CAPG: variants seen among roughly 807,000 people sequenced by gnomAD.
CAPG encodes macrophage-capping protein.
A neutral mutation model predicts 44.6 loss-of-function variants in CAPG; 32 were observed. The ratio of observed to expected loss-of-function variants is 0.72; its 90% CI spans 0.54 to 0.96. The LOEUF is 0.96. Among genes scored for constraint, CAPG ranks in the 50% least tolerant of loss-of-function variants. The pLI is 0.00. For missense variants in CAPG, 412 were observed against 438.3 expected, an observed-to-expected ratio of 0.94 and a Z score of 0.54; for synonymous variants, 175 against 179.6, an observed-to-expected ratio of 0.97 and a Z score of 0.20.
At position 85,401,800 on chromosome 2, in the gene CAPG, G is replaced by A. The variant is rs749794313; in HGVS notation, c.181C>T (p.Leu61=). The A allele has an allele frequency of 1.9e-6, 3 of 1,614,064 alleles. No individual in the cohort carries two copies. The highest frequency in any genetic ancestry group is 2.2e-5 in the South Asian group (2 of 91,080). Residue 61 remains leucine (L), a synonymous_variant, in exon 3 of 10, where the codon CTG becomes TTG. Transcript: ENST00000263867. The stretch of plus-strand genomic sequence containing the variant: ...ATCCCCTTACCTATCCACAGGTGCA[G>A]ATGGGAAACCTCTTCTGGGCCATTG... ...LHNGPEEVSH[L]HLWIGQQSSR...
chr2:85,408,450 C>T (rs181761640), intron 1 of CAPG, among the ~76,000 whole-genome samples: 2 of 151,974 alleles, frequency 1.3e-5, no homozygotes, highest in South Asian at 2.1e-4. Flanking sequence ...CATTAAGTGG[C>T]CTCCGCCTTC....
chr2:85,401,876 C>T lies in CAPG; in HGVS notation c.105G>A (p.Ala35=), dbSNP rs756599713. The change falls in exon 3 of 10, where the codon GCG becomes GCA. Residue 35 remains alanine (A), a synonymous_variant. Transcript: ENST00000263867. ...AGAAGAAGACGCCCTGGTTCTCTTG[C>T]GCCACAGGCACCGGCTTCAGCTTCT... ...RVEKLKPVPV[A]QENQGVFFSG... 1.1e-5 allele frequency: 17 copies of T among 1,613,932 alleles called. No homozygotes were observed. Among genetic ancestry groups the T allele is most frequent in the Middle Eastern group, 1.6e-4 (1 of 6,084 alleles).
chr2:85,404,560 C>T (rs1390418815), intron 1 of CAPG, among the ~76,000 whole-genome samples: 3 of 152,014 alleles, frequency 2.0e-5, no homozygotes, highest in Admixed American at 6.6e-5. Context: ...ACCAGCCTGG[C>T]CAACATGGTG....
In CAPG at chr2:85,401,841, G is replaced by A. The variant is rs776599208; in HGVS notation, c.140C>T (p.Ser47Phe). 4 of 1,614,144 alleles carry A rather than the reference G, an allele frequency of 2.5e-6. No homozygotes were observed. In the South Asian group the frequency reaches 3.3e-5, roughly 13 times the overall value. The change falls in exon 3 of 10, where the codon TCC becomes TTC. Residue 47 changes from serine (S) to phenylalanine (F), a missense_variant. Coordinates refer to ENST00000263867, the MANE Select transcript of CAPG (RefSeq NM_001747.4). ...ENQGVFFSGD[S>F]YLVLHNGPEE... is the part of the protein sequence containing the mutation. The stretch of plus-strand genomic sequence containing the variant: ...TGGGCCATTGTGCAGCACTAGGTAG[G>A]AGTCCCCCGAGAAGAAGACGCCCTG...
intron 8 of CAPG, among the ~76,000 whole-genome samples, chr2:85,396,363 T>G (rs199852736): frequency 2.5e-4 from 21 of 85,128 alleles, no homozygotes; most frequent in African/African-American, 1.2e-3. Context: ...TTTTGGGGGG[T>G]TTTTTTTTTG....
At chr2:85,406,157 C>T (rs548479730) in intron 1 of CAPG, among the ~76,000 whole-genome samples, 1 of 151,456 alleles carries the variant, frequency 6.6e-6, no homozygotes, top group East Asian at 2.0e-4. Flanking sequence ...CAAAAATTAT[C>T]CGGAAATCAC....
At chr2:85,412,879 G>A (rs144900912), upstream of CAPG, among the ~76,000 whole-genome samples, 34 of 152,190 alleles carry the variant, frequency 2.2e-4, no homozygotes, top group African/African-American at 7.5e-4. Flanking sequence ...TCTGTAACAC[G>A]TGCATACAGT....
intron 7 of CAPG, 63 bp from the exon 8 acceptor site, chr2:85,398,215 G>A (rs1296764149): frequency 1.3e-6 from 2 of 1,579,706 alleles, no homozygotes; most frequent in Admixed American, 1.7e-5. Flanking sequence ...TCAGCCTGAG[G>A]AGGGGGAGGC....
Position 85,401,335 on chromosome 2 carries a change from G to A in CAPG, c.352-6C>T, listed in dbSNP as rs369940669. The A allele has an allele frequency of 1.4e-5, 22 of 1,612,994 alleles. No homozygotes were observed. In the East Asian group the frequency reaches 4.5e-4, roughly 33 times the overall value. ...GCTGACTCCACACCACCTTCCTGCAGCCCAGACGGCCCATCTGAGTGGACT... is the reference window on the plus strand; with the variant it reads ...GCTGACTCCACACCACCTTCCTGCAACCCAGACGGCCCATCTGAGTGGACT... On this transcript the variant is annotated splice_polypyrimidine_tract_variant and splice_region_variant and intron_variant, in intron 4 of 9. Transcript: ENST00000263867.
intron 8 of CAPG, among the ~76,000 whole-genome samples, chr2:85,397,758 G>A (rs903309608): frequency 5.0e-5 from 7 of 139,906 alleles, no homozygotes; most frequent in Non-Finnish European, 8.0e-5. Context: ...CATGGCTCAC[G>A]CCTGTAATCC....
intron 1 of CAPG, among the ~76,000 whole-genome samples, chr2:85,409,586 C>T (rs962280797): frequency 9.9e-5 from 15 of 152,140 alleles, no homozygotes; most frequent in Non-Finnish European, 1.3e-4. Flanking sequence ...TCCACTTCTC[C>T]TGGTGGAGGT....
intron 1 of CAPG, among the ~76,000 whole-genome samples, chr2:85,406,070 G>A (rs1210938251): frequency 6.6e-6 from 1 of 152,098 alleles, no homozygotes; most frequent in East Asian, 1.9e-4. Flanking sequence ...GGGAGGCCGT[G>A]GTGAGCAGTT....
intron 8 of CAPG, among the ~76,000 whole-genome samples, chr2:85,397,731 A>AGAAAGAAAGAAAG (rs1686672145): frequency 1.3e-5 from 2 of 148,954 alleles, no homozygotes; most frequent in African/African-American, 2.5e-5. Context: ...AAAGAAAGAA[A>AGAAAGAAAGAAAG]ATAGCAAGGC....
At chr2:85,418,011 C>T (rs1254626510) in intron 1 of CAPG, among the ~76,000 whole-genome samples, 1 of 152,186 alleles carries the variant, frequency 6.6e-6, no homozygotes, top group Admixed American at 6.5e-5. Flanking sequence ...CTTCCTCCCT[C>T]CCTGGGCTCC....
intron 5 of CAPG, among the ~76,000 whole-genome samples, chr2:85,399,740 CTTT>C (rs765588444): frequency 7.1e-5 from 9 of 127,580 alleles, no homozygotes; most frequent in Admixed American, 7.9e-5. Flanking sequence ...CTTTCTTTTT[CTTT>C]TTTTTTTTTT....
downstream of CAPG, among the ~76,000 whole-genome samples, chr2:85,391,964 G>A (rs1349128334): frequency 2.0e-5 from 3 of 152,208 alleles, no homozygotes; most frequent in Non-Finnish European, 4.4e-5. Context: ...TACAAGCCCA[G>A]AGACTCCTTG....
At chr2:85,397,837 G>A (rs1248122672) in intron 8 of CAPG, among the ~76,000 whole-genome samples, 183 bp downstream of exon 8, 1 of 152,200 alleles carries the variant, frequency 6.6e-6, no homozygotes, top group African/African-American at 2.4e-5. Context: ...GGGCAACATA[G>A]AAAGAACCCA....
In CAPG at chr2:85,395,359, T is replaced by C; in HGVS notation, c.981+179A>G. ...TGCCCAACATCCTCTTTGAAAATAA[T>C]AAGTATTTTGACATTTTGAAGGATT... On this transcript the variant is annotated intron_variant, in intron 9 of 9. Coordinates refer to ENST00000263867, the MANE Select transcript of CAPG (RefSeq NM_001747.4). This position sits in a 1 kb window ranked among gnomAD's most constrained non-coding sequence, Gnocchi z 4.3. The C allele has an allele frequency of 1.6e-6, 1 of 615,456 alleles. No homozygotes were observed. Among genetic ancestry groups the C allele is most frequent in the Non-Finnish European group, 2.9e-6 (1 of 342,702 alleles). The allele number at this position is 615,456 out of a possible 1,614,324, so 38.1% of individuals were successfully genotyped here.
chr2:85,395,023 A>G lies in CAPG; in HGVS notation c.982-65T>C. On this transcript the variant is annotated intron_variant, in intron 9 of 9. Coordinates refer to ENST00000263867, the MANE Select transcript of CAPG (RefSeq NM_001747.4). The surrounding 1 kb of genome is among the most constrained non-coding windows in gnomAD (Gnocchi z 4.3). ...GCCACCTCTGCCTCTGCCCAGGAGGACAGGAGGGGGCCAGAGCCAGGGAGG... is the reference window on the plus strand; with the variant it reads ...GCCACCTCTGCCTCTGCCCAGGAGGGCAGGAGGGGGCCAGAGCCAGGGAGG... 1 of 1,148,310 alleles carries G rather than the reference A, an allele frequency of 8.7e-7. No individual in the cohort carries two copies. The highest frequency in any genetic ancestry group is 1.3e-6 in the Non-Finnish European group (1 of 760,120). The allele number at this position is 1,148,310 out of a possible 1,614,324, so 71.1% of individuals were successfully genotyped here. A position where few individuals can be genotyped will look rare whatever the true frequency, so the allele number is the denominator to read the frequency against.
Sources: allele counts gnomAD v4.1 joint callset (sites outside exome capture counted in the v4.1 genomes callset), GRCh38; gene constraint gnomAD v4.1.1; non-coding constraint Gnocchi (gnomAD v3.1); transcripts MANE v1.5; gene names NCBI Gene and HGNC (gene_info 2026-07-23, HGNC 2026-07-21).